KLHDC4: variants seen among roughly 807,000 people sequenced by gnomAD.
The protein encoded by KLHDC4 is kelch domain-containing protein 4.
KLHDC4 carries 90 observed loss-of-function variants against 62.4 expected under a neutral mutation model. That is an observed-to-expected ratio of 1.44 (90% CI 1.22 to 1.72). KLHDC4 has a LOEUF of 1.72. Among genes scored for constraint, KLHDC4 ranks in the 40% most tolerant of loss-of-function variants. The pLI, the probability that KLHDC4 is intolerant of heterozygous loss-of-function variation, is 0.00. For missense variants in KLHDC4, 1,025 were observed against 699.7 expected (o/e 1.47, Z -5.25); for synonymous variants, 386 against 284.4 (o/e 1.36, Z -3.59).
At chr16:87,707,466 C>A (rs1006256368), downstream of KLHDC4, among the ~76,000 whole-genome samples, 3 of 152,208 alleles carry the variant, frequency 2.0e-5, no homozygotes, top group Non-Finnish European at 2.9e-5. Flanking sequence ...CACCACGAGA[C>A]CCCCGTGTGC....
At chr16:87,713,929 A>G (rs74039486) in intron 8 of KLHDC4, among the ~76,000 whole-genome samples, 4,030 of 152,296 alleles carry the variant, frequency 0.026, 183 homozygotes, top group African/African-American at 0.091. Context: ...CAGTAACTCA[A>G]GCTGACAGAG....
chr16:87,730,599 G>A lies in KLHDC4; in HGVS notation c.552C>T (p.Ala184=). The change falls in exon 6 of 12, where the codon GCC becomes GCT. Residue 184 remains alanine (A), a synonymous_variant. Coordinates refer to ENST00000270583, the MANE Select transcript of KLHDC4 (RefSeq NM_017566.4). ...PSGRSGHRMV[A]WKRQLILFGG... is the part of the protein sequence containing the mutation. ...CAAACAGGATCAATTGTCTCTTCCA[G>A]GCCACCATCCGATGTCCACTCCGAC... 2 of 1,613,156 alleles carry A rather than the reference G, an allele frequency of 1.2e-6. No individual in the cohort carries two copies. Among genetic ancestry groups the A allele is most frequent in the Non-Finnish European group, 1.7e-6 (2 of 1,179,850 alleles).
At chr16:87,701,337 G>A (rs1031265451) in exon 1 of KLHDC4, 17 of 283,572 alleles carry the variant, frequency 6.0e-5, no homozygotes, top group African/African-American at 2.2e-5. Flanking sequence ...TCAGGAACAG[G>A]TGAAGCCATA....
intron 1 of KLHDC4, among the ~76,000 whole-genome samples, chr16:87,764,381 G>A (rs1298026444): frequency 2.6e-5 from 4 of 152,118 alleles, no homozygotes; most frequent in Non-Finnish European, 5.9e-5. Flanking sequence ...GGGCAAGGTG[G>A]CTTACGGCTT....
intron 1 of KLHDC4, among the ~76,000 whole-genome samples, chr16:87,762,525 C>A (rs2046042546): frequency 1.3e-5 from 2 of 152,266 alleles, no homozygotes; most frequent in African/African-American, 4.8e-5. Context: ...GTCTGCTGAG[C>A]AGTGTCTGAT....
intron 4 of KLHDC4, among the ~76,000 whole-genome samples, chr16:87,751,694 G>C (rs889157224): frequency 6.6e-6 from 1 of 152,078 alleles, no homozygotes; most frequent in Non-Finnish European, 1.5e-5. Context: ...TCATGTGGGA[G>C]GATTGCTTGA....
At chr16:87,704,846 C>T (rs971233898), downstream of KLHDC4, among the ~76,000 whole-genome samples, 2 of 152,212 alleles carry the variant, frequency 1.3e-5, no homozygotes, top group African/African-American at 2.4e-5. Flanking sequence ...AACACCCTCC[C>T]GACCCCAAAC....
chr16:87,705,681 A>C (rs1473643554), downstream of KLHDC4, among the ~76,000 whole-genome samples: 1 of 152,246 alleles, frequency 6.6e-6, no homozygotes, highest in African/African-American at 2.4e-5. Flanking sequence ...TTGAAAGCCA[A>C]CAAGATATTT....
chr16:87,761,845 G>C, intron 2 of KLHDC4, 104 bp downstream of exon 2: 2 of 1,065,808 alleles, frequency 1.9e-6, no homozygotes, highest in Non-Finnish European at 2.9e-6. Context: ...TAATGAAAAT[G>C]TCCCAAGTGC....
chr16:87,734,576 A>G (rs906320272), intron 5 of KLHDC4, among the ~76,000 whole-genome samples: 1 of 152,048 alleles, frequency 6.6e-6, no homozygotes, highest in Non-Finnish European at 1.5e-5. Context: ...ACCCCTTTCA[A>G]TGTATCACTG....
intron 4 of KLHDC4, among the ~76,000 whole-genome samples, chr16:87,752,215 T>A (rs2044110398): frequency 6.8e-6 from 1 of 146,962 alleles, no homozygotes; most frequent in Non-Finnish European, 1.5e-5. Context: ...AACACTTGCC[T>A]GGGCAATATA....
chr16:87,713,601 G>A lies in KLHDC4; in HGVS notation c.835+897C>T, dbSNP rs138419683. Among the ~76,000 whole-genome samples the A allele has an allele frequency of 1.9e-3, 289 of 151,912 alleles. 1 individual carries two copies. The highest frequency in any genetic ancestry group is 6.6e-3 in the African/African-American group (273 of 41,422). On this transcript the variant is annotated intron_variant, in intron 8 of 11. Coordinates refer to ENST00000270583, the MANE Select transcript of KLHDC4 (RefSeq NM_017566.4). ...GCTCCACACAGGCACGGCTTCTTCC[G>A]CTTCAGAGGTCTGTGAGAACTGACG...
intron 2 of KLHDC4, chr16:87,757,449 A>T (rs1326494973): frequency 6.7e-6 from 1 of 149,838 alleles, no homozygotes; most frequent in Non-Finnish European, 1.5e-5. Flanking sequence ...GCCTGGCGAC[A>T]GAGCAAGATT....
At chr16:87,730,403 G>A in intron 6 of KLHDC4, 149 bp downstream of exon 6, 3 of 631,824 alleles carry the variant, frequency 4.7e-6, no homozygotes, top group Middle Eastern at 2.8e-4. Context: ...CCCTTTGGAG[G>A]GCAAGGCCCT....
At chr16:87,716,652 C>T (rs933579323) in intron 7 of KLHDC4, among the ~76,000 whole-genome samples, 7 of 152,174 alleles carry the variant, frequency 4.6e-5, no homozygotes, top group Admixed American at 1.3e-4. Flanking sequence ...AACCAGGGGC[C>T]GGGCACGGTG....
intron 5 of KLHDC4, among the ~76,000 whole-genome samples, chr16:87,744,373 C>A (rs957676157): frequency 6.6e-6 from 1 of 151,400 alleles, no homozygotes; most frequent in Non-Finnish European, 1.5e-5. Context: ...CGAGATCCCG[C>A]CACTGCACTC....
chr16:87,759,892 G>GGCACCA (rs2045598156), intron 2 of KLHDC4, among the ~76,000 whole-genome samples: 2 of 152,128 alleles, frequency 1.3e-5, no homozygotes, highest in South Asian at 2.1e-4. Context: ...AGCCACCAGC[G>GGCACCA]GCACCAGCCC....
intron 1 of KLHDC4, among the ~76,000 whole-genome samples, chr16:87,764,413 G>A (rs2046304794): frequency 6.6e-6 from 1 of 152,054 alleles, no homozygotes; most frequent in African/African-American, 2.4e-5. Flanking sequence ...ACTTTGGGAG[G>A]CCGAGGCGAG....
Position 87,734,987 on chromosome 16 carries a change from CGAA to C in KLHDC4, c.507-4346_507-4344del, listed in dbSNP as rs1567744817. Reference sequence around the variant, plus strand: ...TGCCTGACGCCCCTCCCCCTCCTGACGAATTGCCTGACGCCCCTCCCCCTCCTG... The same window carrying C: ...TGCCTGACGCCCCTCCCCCTCCTGACTTGCCTGACGCCCCTCCCCCTCCTG... On this transcript the variant is annotated intron_variant, in intron 5 of 11. Coordinates refer to ENST00000270583, the MANE Select transcript of KLHDC4 (RefSeq NM_017566.4). 1.2e-4 allele frequency among the ~76,000 whole-genome samples: 16 copies of C among 136,558 alleles called. 1 individual carries two copies. Among genetic ancestry groups the C allele is most frequent in the African/African-American group, 4.2e-4 (15 of 35,534 alleles). The allele number at this position is 136,558 out of a possible 152,430, so 89.6% of individuals were successfully genotyped here.
Sources: gnomAD v4.1 joint callset for allele counts (sites outside exome capture counted in the v4.1 genomes callset) on GRCh38, gnomAD v4.1.1 for gene constraint, MANE v1.5 for transcripts, NCBI Gene and HGNC (gene_info 2026-07-23, HGNC 2026-07-21) for gene names.